Variants in ZNF718 observed in about 807,000 individuals in gnomAD.
The protein encoded by ZNF718 is zinc finger protein 718.
A neutral mutation model predicts 2.6 loss-of-function variants in ZNF718; 3 were observed. The observed-to-expected ratio is 1.16, with a 90% CI of 0.53 to 3.01. The LOEUF (loss-of-function observed/expected upper bound fraction) is 3.01. ZNF718 is among the 30% of genes most tolerant of loss of function. The pLI is 0.03. For synonymous variants in ZNF718, 135 were observed against 77.9 expected (o/e 1.73, Z -3.86); for missense variants, 468 against 230.0 (o/e 2.03, Z -6.69).
chr4:190,693 A>G (rs1553821039), intron 3 of ZNF718, among the ~76,000 whole-genome samples: 1 of 152,194 alleles, frequency 6.6e-6, no homozygotes, highest in African/African-American at 2.4e-5. Flanking sequence ...AGAAGAAGTT[A>G]TATAACCACA....
intron 3 of ZNF718, among the ~76,000 whole-genome samples, chr4:144,409 G>A (rs782224027): frequency 5.9e-5 from 9 of 152,002 alleles, no homozygotes; most frequent in Non-Finnish European, 1.2e-4. Flanking sequence ...TTTTAATTAC[G>A]GTAGCTCTGT....
intron 3 of ZNF718, among the ~76,000 whole-genome samples, chr4:154,672 A>G (rs1716484363): frequency 6.6e-6 from 1 of 152,210 alleles, no homozygotes; most frequent in Non-Finnish European, 1.5e-5. Flanking sequence ...TCATGAGGTG[A>G]CTTGGGTGCT....
chr4:187,172 G>T lies in ZNF718; in HGVS notation c.227-13909G>T, dbSNP rs1414553609. 5.3e-5 allele frequency among the ~76,000 whole-genome samples: 8 copies of T among 151,920 alleles called. No homozygotes were observed. In the East Asian group the frequency reaches 1.4e-3, roughly 26 times the overall value. On this transcript the variant is annotated intron_variant and NMD_transcript_variant, in intron 3 of 4. Coordinates refer to the ZNF718 transcript ENST00000642529. ...GTAGGGCTACTGTGGTTTGCTGGGG[G>T]TCCACTCCAGGCTTGGTTTTTTTGT...
chr4:177,059 A>G (rs1717364659), intron 3 of ZNF718, among the ~76,000 whole-genome samples: 1 of 152,188 alleles, frequency 6.6e-6, no homozygotes, highest in African/African-American at 2.4e-5. Flanking sequence ...GTTCTGGGTG[A>G]TGCTTCTCTG....
intron 3 of ZNF718, among the ~76,000 whole-genome samples, chr4:144,729 T>G (rs1428949456): frequency 2.0e-5 from 3 of 152,160 alleles, no homozygotes; most frequent in African/African-American, 7.2e-5. Context: ...ACTTCTTTGG[T>G]TAAGTTCATT....
intron 3 of ZNF718, among the ~76,000 whole-genome samples, chr4:146,653 C>A (rs1430550324): frequency 6.6e-6 from 1 of 152,044 alleles, no homozygotes; most frequent in Admixed American, 6.5e-5. Flanking sequence ...TTTGAACCTC[C>A]TAAAATATGT....
chr4:161,955 A>G lies in ZNF718; in HGVS notation c.1270A>G (p.Ile424Val), dbSNP rs371771954. 2.8e-5 allele frequency: 22 copies of G among 779,992 alleles called. No individual in the cohort carries two copies. Among genetic ancestry groups the G allele is most frequent in the African/African-American group, 1.2e-4 (7 of 59,260 alleles). 48.3% of individuals were successfully genotyped at this position (779,992 alleles called of 1,614,324 possible). A position where few individuals can be genotyped will look rare whatever the true frequency, so the allele number is the denominator to read the frequency against. ...KKIHTGEKPY[I>V]CKQCGKAFKQ... ...AATTCATACTGGAGAGAAACCCTAC[A>G]TATGTAAACAATGTGGCAAAGCCTT... Residue 424 changes from isoleucine (I) to valine (V), a missense_variant, in exon 4 of 4, where the codon ATA becomes GTA. Coordinates refer to ENST00000510175, the MANE Select transcript of ZNF718 (RefSeq NM_001039127.6).
chr4:167,069 G>C (rs1158094177), downstream of ZNF718, among the ~76,000 whole-genome samples: 2 of 152,090 alleles, frequency 1.3e-5, no homozygotes, highest in Non-Finnish European at 1.5e-5. Context: ...TTCTACATAT[G>C]GCTAGCCAGT....
At chr4:180,940 T>G (rs1717450994) in intron 3 of ZNF718, among the ~76,000 whole-genome samples, 1 of 152,178 alleles carries the variant, frequency 6.6e-6, no homozygotes, top group South Asian at 2.1e-4. Context: ...ACTTAAAATG[T>G]TTTGCCATTA....
chr4:196,397 C>T (rs191439664), intron 3 of ZNF718, among the ~76,000 whole-genome samples: 38 of 152,264 alleles, frequency 2.5e-4, no homozygotes, highest in Admixed American at 1.7e-3. Context: ...GGCATAAAGA[C>T]GCAGTGTAGA....
chr4:134,136 TTTTTGTTTTG>T lies in ZNF718; in HGVS notation c.226+2651_226+2660del, dbSNP rs572633882. On this transcript the variant is annotated intron_variant, in intron 3 of 3. Transcript: ENST00000510175. Reference sequence around the variant, plus strand: ...ATCACCATCAATCAATGTTAAAGTTTTTTTGTTTTGTTTTGTTTTGTTTTGTTTTTGAGAT... The same window carrying T: ...ATCACCATCAATCAATGTTAAAGTTTTTTTGTTTTGTTTTGTTTTTGAGAT... Among the ~76,000 whole-genome samples the T allele has an allele frequency of 9.8e-4, 149 of 152,128 alleles. 1 individual carries two copies. Among genetic ancestry groups the T allele is most frequent in the African/African-American group, 1.9e-3 (79 of 41,502 alleles).
intron 3 of ZNF718, among the ~76,000 whole-genome samples, chr4:178,503 T>C (rs1316016771): frequency 6.6e-6 from 1 of 152,186 alleles, no homozygotes; most frequent in Non-Finnish European, 1.5e-5. Flanking sequence ...CATTATTCTC[T>C]TCTACCAACA....
At chr4:180,229 C>A (rs1717436297) in intron 3 of ZNF718, among the ~76,000 whole-genome samples, 1 of 152,124 alleles carries the variant, frequency 6.6e-6, no homozygotes, top group Non-Finnish European at 1.5e-5. Flanking sequence ...GTTACCTACA[C>A]TTTTTTTGTC....
intron 3 of ZNF718, among the ~76,000 whole-genome samples, chr4:181,473 A>T (rs1717461948): frequency 6.6e-6 from 1 of 151,968 alleles, no homozygotes; most frequent in Admixed American, 6.6e-5. Context: ...GTGTGGTTTG[A>T]GTTAGGTGGT....
chr4:180,700 T>A (rs1717446067), intron 3 of ZNF718, among the ~76,000 whole-genome samples: 2 of 152,226 alleles, frequency 1.3e-5, no homozygotes, highest in African/African-American at 4.8e-5. Flanking sequence ...AAACACACTC[T>A]AGTTGGGTGC....
chr4:184,523 C>G (rs1205495918), intron 3 of ZNF718, among the ~76,000 whole-genome samples: 3 of 152,072 alleles, frequency 2.0e-5, no homozygotes, highest in Non-Finnish European at 2.9e-5. Flanking sequence ...ATGCTGGCCT[C>G]ATAGAATGCC....
chr4:191,549 C>G (rs782002644), intron 3 of ZNF718, among the ~76,000 whole-genome samples: 1 of 151,964 alleles, frequency 6.6e-6, no homozygotes, highest in East Asian at 1.9e-4. Context: ...GAACAAATCA[C>G]TATAAATCAG....
intron 3 of ZNF718, among the ~76,000 whole-genome samples, chr4:186,447 G>A (rs889835865): frequency 6.6e-6 from 1 of 152,040 alleles, no homozygotes; most frequent in Admixed American, 6.6e-5. Context: ...GGAGAATCTG[G>A]TGATTATATG....
intron 3 of ZNF718, among the ~76,000 whole-genome samples, chr4:190,746 A>T (rs1717675457): frequency 6.6e-6 from 1 of 152,142 alleles, no homozygotes; most frequent in South Asian, 2.1e-4. Flanking sequence ...AATAAAACAA[A>T]TCTATTTTTT....
Sources: gnomAD v4.1 joint callset for allele counts (sites outside exome capture counted in the v4.1 genomes callset) on GRCh38, gnomAD v4.1.1 for gene constraint, MANE v1.5 for transcripts, NCBI Gene and HGNC (gene_info 2026-07-23, HGNC 2026-07-21) for gene names.